Variants in CCDC57 observed in about 807,000 individuals in gnomAD.
CCDC57 encodes the protein coiled-coil domain containing 57.
CCDC57 carries 118 observed loss-of-function variants against 118.9 expected under a neutral mutation model. The ratio of observed to expected loss-of-function variants is 0.99; its 90% CI spans 0.86 to 1.16. CCDC57 has a LOEUF of 1.16. Ranked by LOEUF, CCDC57 falls within the 50% of genes most tolerant of loss-of-function variation. CCDC57 has a pLI of 0.00. For synonymous variants in CCDC57, 527 were observed against 532.9 expected (o/e 0.99, Z 0.15); for missense variants, 1,300 against 1,320.7 (o/e 0.98, Z 0.24).
intron 2 of CCDC57, among the ~76,000 whole-genome samples, chr17:82,207,241 G>A (rs1428697879): frequency 6.6e-6 from 1 of 152,062 alleles, no homozygotes; most frequent in Non-Finnish European, 1.5e-5. Flanking sequence ...GCTGAGGTGG[G>A]AGGATCGCTT....
rs189454808 is a variant in CCDC57, at chr17:82,212,208, C to T, written c.-211+577G>A. On this transcript the variant is annotated intron_variant, in intron 1 of 19. Coordinates refer to ENST00000665763, the Ensembl canonical transcript of CCDC57. The surrounding 1 kb of genome is among the most constrained non-coding windows in gnomAD (Gnocchi z 4.1). ...CAAGCGATTCTCCTGCTTCAGCCTC[C>T]GGAGTAGCTGGGATTACAGGCGTGC... Among the ~76,000 whole-genome samples the T allele has an allele frequency of 6.9e-3, 1,055 of 152,172 alleles. 16 individuals are homozygous for T. The highest frequency in any genetic ancestry group is 0.024 in the African/African-American group (1,008 of 41,526).
chr17:82,130,021 AC>A (rs1256789619), intron 17 of CCDC57, among the ~76,000 whole-genome samples: 11 of 151,468 alleles, frequency 7.3e-5, no homozygotes, highest in African/African-American at 2.4e-4. Flanking sequence ...ACATATTGAG[AC>A]CCCCTATCTG....
At chr17:82,132,485 A>G (rs1345157519) in intron 17 of CCDC57, among the ~76,000 whole-genome samples, 2 of 152,190 alleles carry the variant, frequency 1.3e-5, no homozygotes, top group Non-Finnish European at 2.9e-5. Flanking sequence ...ACGGAAAATT[A>G]GCAAGGAACA....
At chr17:82,179,223 T>C (rs1199011678) in intron 9 of CCDC57, 34 bp from the exon 9 acceptor site, 4 of 1,590,460 alleles carry the variant, frequency 2.5e-6, no homozygotes, top group Non-Finnish European at 2.6e-6. Flanking sequence ...GCATTAATGC[T>C]TCCTGAGGTC....
intron 16 of CCDC57, among the ~76,000 whole-genome samples, chr17:82,149,073 ATGGG>A (rs201278610): frequency 0.049 from 3,805 of 77,508 alleles, 775 homozygotes; most frequent in South Asian, 0.1. Context: ...GGATGGATGG[ATGGG>A]TGGGTGGGTA....
intron 19 of CCDC57, among the ~76,000 whole-genome samples, chr17:82,116,826 C>T (rs1295035028): frequency 6.6e-6 from 1 of 152,182 alleles, no homozygotes; most frequent in African/African-American, 2.4e-5. Flanking sequence ...TATCTGTAAA[C>T]CAGGCTTGCA....
intron 19 of CCDC57, among the ~76,000 whole-genome samples, chr17:82,121,350 T>C (rs1473068293): frequency 6.6e-6 from 1 of 152,196 alleles, no homozygotes; most frequent in Non-Finnish European, 1.5e-5. Flanking sequence ...CCAGCTTTCC[T>C]GCCAAGAGGC....
intron 11 of CCDC57, among the ~76,000 whole-genome samples, chr17:82,177,337 C>T (rs910796497): frequency 6.6e-6 from 1 of 152,114 alleles, no homozygotes; most frequent in Non-Finnish European, 1.5e-5. Flanking sequence ...GATCACACCA[C>T]TGCACTCCAG....
intron 7 of CCDC57, among the ~76,000 whole-genome samples, chr17:82,190,100 ACCTCTCAAGGTT>A (rs1297590878): frequency 1.2e-5 from 1 of 80,564 alleles, no homozygotes; most frequent in Admixed American, 1.4e-4. Flanking sequence ...GTATAGAGTG[ACCTCTCAAGGTT>A]CTTCATATCC....
intron 3 of CCDC57, among the ~76,000 whole-genome samples, chr17:82,200,893 A>C (rs1310739871): frequency 1.3e-5 from 2 of 152,256 alleles, no homozygotes; most frequent in Admixed American, 1.3e-4. Flanking sequence ...CAGAGCATGC[A>C]GCCGGCTCTC....
At chr17:82,197,107 A>C (rs1011731619) in intron 4 of CCDC57, among the ~76,000 whole-genome samples, 2 of 139,072 alleles carry the variant, frequency 1.4e-5, no homozygotes, top group African/African-American at 5.5e-5. Context: ...CTGCAGACAC[A>C]CAGCCCCTCA....
intron 19 of CCDC57, among the ~76,000 whole-genome samples, chr17:82,125,069 G>C (rs969853804): frequency 1.3e-5 from 2 of 152,198 alleles, no homozygotes; most frequent in African/African-American, 2.4e-5. Context: ...GGAAGACAGA[G>C]AGAAACGCGC....
At chr17:82,184,652 G>A (rs2046713553) in intron 8 of CCDC57, among the ~76,000 whole-genome samples, 1 of 152,216 alleles carries the variant, frequency 6.6e-6, no homozygotes, top group Non-Finnish European at 1.5e-5. Context: ...ACCTTCAGAT[G>A]CTCCTGTGCT....
At chr17:82,134,272 G>A (rs2038844635) in intron 16 of CCDC57, 78 bp from the exon 16 acceptor site, 2 of 1,242,460 alleles carry the variant, frequency 1.6e-6, no homozygotes, top group Non-Finnish European at 1.0e-6. Context: ...CAAACACTCA[G>A]AAAGAACAGC....
At chr17:82,194,451 C>G (rs1372379607) in intron 5 of CCDC57, among the ~76,000 whole-genome samples, 2 of 152,014 alleles carry the variant, frequency 1.3e-5, no homozygotes, top group Non-Finnish European at 2.9e-5. Context: ...GCTGGGATTA[C>G]AGGCACCCAC....
intron 12 of CCDC57, 40 bp from the exon 12 acceptor site, chr17:82,171,893 C>G: frequency 6.3e-7 from 1 of 1,589,052 alleles, no homozygotes; most frequent in Non-Finnish European, 8.6e-7. Flanking sequence ...ACATACACAG[C>G]ATCCTTTCGC....
intron 19 of CCDC57, among the ~76,000 whole-genome samples, chr17:82,109,544 T>G (rs567108467): frequency 6.6e-6 from 1 of 152,240 alleles, no homozygotes; most frequent in Admixed American, 6.5e-5. Flanking sequence ...GAAAAAGAAT[T>G]CTTAGATTGA....
intron 16 of CCDC57, among the ~76,000 whole-genome samples, chr17:82,139,342 CCA>C (rs35608599): frequency 0.47 from 70,957 of 151,866 alleles, 17,363 homozygotes; most frequent in East Asian, 0.88. Flanking sequence ...CTTTTGTCAT[CCA>C]CAGTTTTTTT....
intron 15 of CCDC57, chr17:82,155,865 C>A (rs950543407): frequency 6.6e-6 from 1 of 152,248 alleles, no homozygotes; most frequent in African/African-American, 2.4e-5. Flanking sequence ...CCAGGAGGAG[C>A]CTGGAGCCCG....
Sources: allele counts gnomAD v4.1 joint callset (sites outside exome capture counted in the v4.1 genomes callset), GRCh38; gene constraint gnomAD v4.1.1; non-coding constraint Gnocchi (gnomAD v3.1); transcripts MANE v1.5; gene names NCBI Gene and HGNC (gene_info 2026-07-23, HGNC 2026-07-21).